Variants in RAD51D observed in about 807,000 individuals in gnomAD.
The protein encoded by RAD51D is RAD51 paralog D.
In RAD51D, 38 loss-of-function variants were observed where a neutral mutation model predicts 44.1. That is an observed-to-expected ratio of 0.86 (90% CI 0.67 to 1.13). The LOEUF (loss-of-function observed/expected upper bound fraction) is 1.13. Ranked by LOEUF, RAD51D falls within the 50% of genes most tolerant of loss-of-function variation. The pLI, the probability that RAD51D is intolerant of heterozygous loss-of-function variation, is 0.00. For synonymous variants in RAD51D, 141 were observed against 166.6 expected, an observed-to-expected ratio of 0.85 and a Z score of 1.18; for missense variants, 390 against 414.0, an observed-to-expected ratio of 0.94 and a Z score of 0.50.
chr17:35,119,821 C>T lies in RAD51D; in HGVS notation c.-208G>A, dbSNP rs538262583. ...CCGGGATCCGCCGGGATTCCCGCGC[C>T]CAGAGCCCGCCCGCCGGGTCGCGCC... On this transcript the variant is annotated 5_prime_UTR_variant, in exon 1 of 10. Coordinates refer to ENST00000345365, the MANE Select transcript of RAD51D (RefSeq NM_002878.4). The T allele has an allele frequency of 4.3e-6, 3 of 691,270 alleles. No individual in the cohort carries two copies. The highest frequency in any genetic ancestry group is 1.5e-5 in the South Asian group (1 of 66,362). 42.8% of individuals were successfully genotyped at this position (691,270 alleles called of 1,614,324 possible).
chr17:35,119,303 A>C (rs1294897371), intron 1 of RAD51D, 131 bp from the exon 2 acceptor site: 7 of 981,016 alleles, frequency 7.1e-6, no homozygotes, highest in African/African-American at 4.8e-5. Context: ...AGTGTGAAAT[A>C]ACAAAGCTGC....
intron 3 of RAD51D, among the ~76,000 whole-genome samples, chr17:35,117,503 T>C (rs1230499826): frequency 6.6e-6 from 1 of 152,142 alleles, no homozygotes; most frequent in Non-Finnish European, 1.5e-5. Flanking sequence ...AACTGCTCCT[T>C]TTTTTTGAGA....
Position 35,117,184 on chromosome 17 carries a change from G to C in RAD51D, c.263+1317C>G. The C allele has an allele frequency of 8.1e-6, 7 of 861,904 alleles. No individual in the cohort carries two copies. The South Asian group carries it at 1.2e-4, about 15-fold the overall frequency. 53.4% of individuals were successfully genotyped at this position (861,904 alleles called of 1,614,324 possible). A position where few individuals can be genotyped will look rare whatever the true frequency, so the allele number is the denominator to read the frequency against. On this transcript the variant is annotated intron_variant, in intron 3 of 9. Transcript: ENST00000345365. The stretch of plus-strand genomic sequence containing the variant: ...CCCAACTAGAGGCCTTAAGGGCAGG[G>C]GCCTTGCCTCATTCGTGTATGTATC...
chr17:35,114,918 C>T (rs1358018713), intron 3 of RAD51D, among the ~76,000 whole-genome samples: 1 of 151,630 alleles, frequency 6.6e-6, no homozygotes, highest in Admixed American at 6.6e-5. Flanking sequence ...ATGATTCTAA[C>T]GTGCAGCTGG....
rs750412372 is a variant in RAD51D, at chr17:35,119,133, T to C, written c.122A>G (p.Gln41Arg). The C allele has an allele frequency of 6.2e-7, 1 of 1,613,812 alleles. No individual in the cohort carries two copies. Among genetic ancestry groups the C allele is most frequent in the Non-Finnish European group, 8.5e-7 (1 of 1,179,628 alleles). The part of the protein sequence containing the change: ...LVSADLEEVA[Q>R]KCGLSYKALV... ...CACCTTGTAAGACAAGCCACATTTC[T>C]GAGCTACCTCTTCCAGGTCTGCAGA... is the stretch of plus-strand genomic sequence containing the variant. The change falls in exon 2 of 10, where the codon CAG becomes CGG. Residue 41 changes from glutamine (Q) to arginine (R), a missense_variant. By Grantham distance (43) the Gln-to-Arg change is conservative. Transcript: ENST00000345365.
At chr17:35,101,105 T>G in intron 9 of RAD51D, 69 bp from the exon 10 acceptor site, 1 of 1,605,782 alleles carries the variant, frequency 6.2e-7, no homozygotes, top group East Asian at 2.2e-5. Flanking sequence ...GTTGCAAGGT[T>G]TCAGCCTCTA....
At position 35,100,488 on chromosome 17, in the gene RAD51D, G is replaced by C; in HGVS notation, c.*465C>G. 1.9e-6 allele frequency: 1 copy of C among 535,974 alleles called. No homozygotes were observed. Among genetic ancestry groups the C allele is most frequent in the South Asian group, 1.5e-5 (1 of 65,188 alleles). The allele number at this position is 535,974 out of a possible 1,614,324, so 33.2% of individuals were successfully genotyped here. A position where few individuals can be genotyped will look rare whatever the true frequency, so the allele number is the denominator to read the frequency against. On this transcript the variant is annotated 3_prime_UTR_variant, in exon 10 of 10. Coordinates refer to ENST00000345365, the MANE Select transcript of RAD51D (RefSeq NM_002878.4). ...GTAACTCAGAGACAGAGCTAAGGAA[G>C]AGTGGGCCCCCATCTAACAAATGGA...
chr17:35,102,980 TCAAACAA>T (rs1046755322), intron 8 of RAD51D, among the ~76,000 whole-genome samples: 1 of 151,862 alleles, frequency 6.6e-6, no homozygotes, highest in Non-Finnish European at 1.5e-5. Flanking sequence ...TAGTCAAACT[TCAAACAA>T]GGAGAAAGTT....
chr17:35,107,976 C>A (rs1340004089), intron 3 of RAD51D, among the ~76,000 whole-genome samples: 4 of 151,840 alleles, frequency 2.6e-5, no homozygotes, highest in African/African-American at 9.7e-5. Context: ...TCTCAAACTC[C>A]TGACCTCAAG....
chr17:35,110,681 T>G (rs1051346308), intron 3 of RAD51D, among the ~76,000 whole-genome samples: 1 of 152,244 alleles, frequency 6.6e-6, no homozygotes, highest in African/African-American at 2.4e-5. Flanking sequence ...TCCAACACAT[T>G]GTTTCTGTAC....
At position 35,110,827 on chromosome 17, in the gene RAD51D, C is replaced by T. The variant is rs565892706; in HGVS notation, c.264-3380G>A. On this transcript the variant is annotated intron_variant, in intron 3 of 9. Coordinates refer to ENST00000345365, the MANE Select transcript of RAD51D (RefSeq NM_002878.4). ...TCTCTATAAAAAAAATACAAACAGG[C>T]TGGGCGCGGTGGCTCACGCCAGTGA... is the stretch of plus-strand genomic sequence containing the variant. Among the ~76,000 whole-genome samples the T allele has an allele frequency of 3.3e-5, 5 of 152,324 alleles. No homozygotes were observed. The South Asian group carries it at 8.3e-4, about 25-fold the overall frequency.
At position 35,097,752 on chromosome 17, in the gene RAD51D, G is replaced by A. The variant is rs2091497592; in HGVS notation, c.*3201C>T. 1 of 152,116 alleles carries A rather than the reference G, an allele frequency of 6.6e-6. No homozygotes were observed. The highest frequency in any genetic ancestry group is 6.6e-5 in the Admixed American group (1 of 15,256). The allele number at this position is 152,116 out of a possible 1,614,324, so 9.4% of individuals were successfully genotyped here. Reference sequence around the variant, plus strand: ...ATAAAGAGAAAAAGTGACAAAAAGTGGGAGCCTGTAGGCAGACACGTGAAC... The same window carrying A: ...ATAAAGAGAAAAAGTGACAAAAAGTAGGAGCCTGTAGGCAGACACGTGAAC... On this transcript the variant is annotated 3_prime_UTR_variant, in exon 10 of 10. Transcript: ENST00000345365.
At position 35,100,200 on chromosome 17, in the gene RAD51D, C is replaced by A. The variant is rs1330930137; in HGVS notation, c.*753G>T. 1.9e-6 allele frequency: 1 copy of A among 532,652 alleles called. No homozygotes were observed. The highest frequency in any genetic ancestry group is 3.6e-6 in the Non-Finnish European group (1 of 275,358). The allele number at this position is 532,652 out of a possible 1,614,324, so 33.0% of individuals were successfully genotyped here. ...TTCACCAGGAGCAGGTCATACCCTC[C>A]CTTTCTGTTAAATTATATCCCTGGA... On this transcript the variant is annotated 3_prime_UTR_variant, in exon 10 of 10. Coordinates refer to ENST00000345365, the MANE Select transcript of RAD51D (RefSeq NM_002878.4).
Position 35,103,672 on chromosome 17 carries a change from G to A in RAD51D, c.577-128C>T. ...CATCCCAAATACAGCAAGCTGCACG[G>A]GCATCACAGAATGTCATCAGCAGCA... On this transcript the variant is annotated intron_variant, in intron 6 of 9. Coordinates refer to ENST00000345365, the MANE Select transcript of RAD51D (RefSeq NM_002878.4). The surrounding 1 kb of genome is among the most constrained non-coding windows in gnomAD (Gnocchi z 4.1). The A allele has an allele frequency of 2.9e-5, 21 of 723,782 alleles. 1 individual carries two copies. The South Asian group carries it at 3.1e-4, about 11-fold the overall frequency. 44.8% of individuals were successfully genotyped at this position (723,782 alleles called of 1,614,324 possible).
intron 3 of RAD51D, among the ~76,000 whole-genome samples, chr17:35,111,704 C>T (rs761687656): frequency 1.3e-5 from 2 of 152,180 alleles, no homozygotes; most frequent in Admixed American, 6.5e-5. Context: ...CAAGTCTTAA[C>T]CCTGGGTAGA....
intron 3 of RAD51D, among the ~76,000 whole-genome samples, chr17:35,112,692 T>C (rs1567731575): frequency 6.6e-6 from 1 of 152,180 alleles, no homozygotes; most frequent in African/African-American, 2.4e-5. Flanking sequence ...AATGGTAGTG[T>C]TTTTTATTTT....
rs376616485 is a variant in RAD51D at position 35,118,569 on chromosome 17, G to A, written c.195C>T (p.Pro65=). The A allele has an allele frequency of 1.5e-5, 24 of 1,614,070 alleles. No homozygotes were observed. Among genetic ancestry groups the A allele is most frequent in the African/African-American group, 6.7e-5 (5 of 74,940 alleles). ...CCTCGTAGAGATCAGCGCCATTCAC[G>A]GGGAAAGCCGAGAACTGAGCCAGCA... The part of the protein sequence containing the change: ...RVLLAQFSAF[P]VNGADLYEEL... Residue 65 remains proline, a synonymous_variant, in exon 3 of 10, where the codon CCC becomes CCT. Coordinates refer to ENST00000345365, the MANE Select transcript of RAD51D (RefSeq NM_002878.4).
intron 8 of RAD51D, among the ~76,000 whole-genome samples, chr17:35,101,904 A>ATTTTT (rs1490322928): frequency 5.3e-5 from 8 of 152,202 alleles, no homozygotes; most frequent in Admixed American, 1.3e-4. Flanking sequence ...GGGAAGGGGA[A>ATTTTT]AATGAGTTAT....
In RAD51D at chr17:35,097,065, C is replaced by A. The variant is rs2091490376; in HGVS notation, c.*3888G>T. On this transcript the variant is annotated 3_prime_UTR_variant, in exon 10 of 10. Coordinates refer to ENST00000345365, the MANE Select transcript of RAD51D (RefSeq NM_002878.4). ...GTCAGACGAAGGGCATACAATAGTC[C>A]CCTGTAAAAAGATATGTAAGAAGAC... 6.6e-6 allele frequency: 1 copy of A among 151,882 alleles called. No individual in the cohort carries two copies. The highest frequency in any genetic ancestry group is 2.1e-4 in the South Asian group (1 of 4,792). 9.4% of individuals were successfully genotyped at this position (151,882 alleles called of 1,614,324 possible).
Sources: gnomAD v4.1 joint callset for allele counts (sites outside exome capture counted in the v4.1 genomes callset) on GRCh38, gnomAD v4.1.1 for gene constraint, Gnocchi (gnomAD v3.1) non-coding constraint, MANE v1.5 for transcripts, NCBI Gene and HGNC (gene_info 2026-07-23, HGNC 2026-07-21) for gene names.